KLHL8: variants seen among roughly 807,000 people sequenced by gnomAD.
KLHL8 encodes kelch like family member 8.
A neutral mutation model predicts 63.5 loss-of-function variants in KLHL8; 38 were observed. The ratio of observed to expected loss-of-function variants is 0.60; its 90% CI spans 0.46 to 0.78. The LOEUF is 0.78. KLHL8 is among the 30% of genes least tolerant of loss of function. KLHL8 has a pLI of 0.00. For synonymous variants in KLHL8, 224 were observed against 254.3 expected (o/e 0.88, Z 1.13); for missense variants, 566 against 752.4 (o/e 0.75, Z 2.90).
chr4:87,179,446 A>C (rs565022683), intron 4 of KLHL8, among the ~76,000 whole-genome samples: 1 of 152,276 alleles, frequency 6.6e-6, no homozygotes, highest in African/African-American at 2.4e-5. Flanking sequence ...ACTTCTCAAA[A>C]ACTTTAGTGA....
At chr4:87,177,763 T>A (rs1396169984) in intron 5 of KLHL8, among the ~76,000 whole-genome samples, 2 of 152,088 alleles carry the variant, frequency 1.3e-5, no homozygotes, top group African/African-American at 4.8e-5. Flanking sequence ...TGCACCACTA[T>A]GTCTGGCTAA....
chr4:87,203,067 AC>A lies in KLHL8; in HGVS notation c.-151-7378del, dbSNP rs1731980046. ...CCATACTAAACCACCACAACAACAT[AC>A]TAAAGAAGAAAAACCACATAGGAAG... On this transcript the variant is annotated intron_variant, in intron 1 of 9. Transcript: ENST00000273963. Among the ~76,000 whole-genome samples, 4 of 152,336 alleles carry A rather than the reference AC, an allele frequency of 2.6e-5. No individual in the cohort carries two copies. In the East Asian group the frequency reaches 7.7e-4, roughly 29 times the overall value.
intron 1 of KLHL8, among the ~76,000 whole-genome samples, chr4:87,213,581 T>C (rs1306480658): frequency 1.3e-5 from 2 of 152,220 alleles, no homozygotes; most frequent in African/African-American, 4.8e-5. Flanking sequence ...ACATAGTTAC[T>C]GACATTAGAT....
At chr4:87,221,651 T>G (rs1732856037), upstream of KLHL8, among the ~76,000 whole-genome samples, 1 of 151,970 alleles carries the variant, frequency 6.6e-6, no homozygotes, top group African/African-American at 2.4e-5. Context: ...CATATGAACA[T>G]TAGCACATTG....
chr4:87,231,741 C>T (rs935423635), intron 1 of KLHL8, among the ~76,000 whole-genome samples: 5 of 152,066 alleles, frequency 3.3e-5, no homozygotes, highest in African/African-American at 9.7e-5. Flanking sequence ...GGACTACAGG[C>T]GTGAACCACC....
chr4:87,183,134 G>A, intron 4 of KLHL8, 69 bp downstream of exon 4: 1 of 1,104,802 alleles, frequency 9.1e-7, no homozygotes, highest in South Asian at 2.1e-5. Context: ...ACTAAGTTTG[G>A]GCACACATGA....
intron 1 of KLHL8, among the ~76,000 whole-genome samples, chr4:87,204,450 C>CT (rs1283171371): frequency 6.6e-6 from 1 of 151,866 alleles, no homozygotes; most frequent in Non-Finnish European, 1.5e-5. Context: ...ACCCAGCAAT[C>CT]TGACTCCTGG....
At chr4:87,227,127 A>G (rs984023592) in intron 1 of KLHL8, among the ~76,000 whole-genome samples, 1 of 149,430 alleles carries the variant, frequency 6.7e-6, no homozygotes, top group Admixed American at 6.9e-5. Context: ...AGACCCTACT[A>G]GCTGCTTAAG....
Position 87,178,621 on chromosome 4 carries a change from C to A in KLHL8, c.953-1G>T. ...CGACCACCTACACAAAACAGCACAC[C>A]TAAAGGTAAAGCCACAAAATAGAGA... On this transcript the variant is annotated splice_acceptor_variant, in intron 4 of 9. Transcript: ENST00000273963. LOFTEE classifies it high-confidence loss of function. The A allele has an allele frequency of 6.4e-7, 1 of 1,556,474 alleles. No individual in the cohort carries two copies. Among genetic ancestry groups the A allele is most frequent in the Non-Finnish European group, 8.6e-7 (1 of 1,157,884 alleles).
chr4:87,202,248 A>G (rs892906261), intron 1 of KLHL8, among the ~76,000 whole-genome samples: 1 of 152,220 alleles, frequency 6.6e-6, no homozygotes, highest in African/African-American at 2.4e-5. Flanking sequence ...AATAAAAAAC[A>G]ATAGATAAAA....
chr4:87,204,841 A>C (rs1732053581), intron 1 of KLHL8, among the ~76,000 whole-genome samples: 1 of 152,224 alleles, frequency 6.6e-6, no homozygotes, highest in Non-Finnish European at 1.5e-5. Context: ...GGAGACGGCA[A>C]AAAGAGAGTT....
intron 2 of KLHL8, among the ~76,000 whole-genome samples, chr4:87,186,748 A>G (rs1348864577): frequency 6.6e-6 from 1 of 152,058 alleles, no homozygotes; most frequent in Non-Finnish European, 1.5e-5. Flanking sequence ...CCAAAGTGCT[A>G]GGATTACAGG....
rs114333463 is a variant in KLHL8 at position 87,205,701 on chromosome 4, C to T, written c.-151-10011G>A. ...CTGGTCTTGAACTCCTGGACTCAAG[C>T]GATCTGCCCACTTAGGCCTCCCAAA... On this transcript the variant is annotated intron_variant, in intron 1 of 9. Transcript: ENST00000273963. Among the ~76,000 whole-genome samples, 364 of 152,186 alleles carry T rather than the reference C, an allele frequency of 2.4e-3. 2 individuals are homozygous for T. Among genetic ancestry groups the T allele is most frequent in the African/African-American group, 7.4e-3 (306 of 41,528 alleles).
intron 8 of KLHL8, among the ~76,000 whole-genome samples, chr4:87,168,758 GTGTGTATATATA>G (rs1425214095): frequency 5.6e-5 from 8 of 143,356 alleles, no homozygotes; most frequent in African/African-American, 1.0e-4. Flanking sequence ...GTATATATGT[GTGTGTATATATA>G]TGTGTATATA....
At chr4:87,237,901 T>A (rs1248335901) in intron 1 of KLHL8, among the ~76,000 whole-genome samples, 1 of 152,164 alleles carries the variant, frequency 6.6e-6, no homozygotes, top group Non-Finnish European at 1.5e-5. Flanking sequence ...GAAAAACATA[T>A]CTAAACATAT....
chr4:87,215,941 C>G (rs1004270462), intron 1 of KLHL8, among the ~76,000 whole-genome samples: 1 of 152,158 alleles, frequency 6.6e-6, no homozygotes, highest in Non-Finnish European at 1.5e-5. Context: ...AAATATCATA[C>G]AACAGATTAT....
chr4:87,207,780 C>G, intron 1 of KLHL8: 1 of 889,376 alleles, frequency 1.1e-6, no homozygotes, highest in Non-Finnish European at 1.9e-6. Context: ...CTGGCATGGC[C>G]TTCTGTGTCA....
chr4:87,224,092 C>T (rs368464471), upstream of KLHL8, among the ~76,000 whole-genome samples: 15 of 151,810 alleles, frequency 9.9e-5, no homozygotes, highest in Middle Eastern at 3.4e-3. Flanking sequence ...GATGGAGTCT[C>T]GCCTTGTTAC....
At chr4:87,186,711 C>T (rs1731272354) in intron 2 of KLHL8, among the ~76,000 whole-genome samples, 1 of 151,992 alleles carries the variant, frequency 6.6e-6, no homozygotes, top group African/African-American at 2.4e-5. Flanking sequence ...AACTCCTGGG[C>T]TCAAGTGATT....
Sources: allele counts gnomAD v4.1 joint callset (sites outside exome capture counted in the v4.1 genomes callset), GRCh38; gene constraint gnomAD v4.1.1; transcripts MANE v1.5; gene names NCBI Gene and HGNC (gene_info 2026-07-23, HGNC 2026-07-21).